SCN10A: variants seen among roughly 807,000 people sequenced by gnomAD.
The protein encoded by SCN10A is sodium channel protein type 10 subunit alpha.
In SCN10A, 162 loss-of-function variants were observed where a neutral mutation model predicts 170.7. The ratio of observed to expected loss-of-function variants is 0.95; its 90% CI spans 0.84 to 1.08. The LOEUF (loss-of-function observed/expected upper bound fraction) is 1.08. SCN10A is among the 50% of genes least tolerant of loss of function. The pLI is 0.00. For synonymous variants in SCN10A, 985 were observed against 904.6 expected (o/e 1.09, Z -1.59); for missense variants, 2,527 against 2,436.9 (o/e 1.04, Z -0.78).
intron 5 of SCN10A, among the ~76,000 whole-genome samples, chr3:38,769,446 C>T (rs1016217318): frequency 2.0e-5 from 3 of 151,942 alleles, no homozygotes; most frequent in Non-Finnish European, 2.9e-5. Context: ...TCCATGTTGG[C>T]TTCAGGCTGG....
chr3:38,756,101 G>A, intron 10 of SCN10A, 143 bp from the exon 11 acceptor site: 1 of 837,650 alleles, frequency 1.2e-6, no homozygotes. Flanking sequence ...GTGGGATTAG[G>A]CCATGGCAGG....
intron 6 of SCN10A, among the ~76,000 whole-genome samples, chr3:38,762,081 T>C (rs1218033929): frequency 1.3e-5 from 2 of 152,172 alleles, no homozygotes; most frequent in African/African-American, 4.8e-5. Flanking sequence ...GAGGGATGAT[T>C]TGTTGCTCTG....
At chr3:38,772,740 A>AC (rs1287511436) in intron 4 of SCN10A, among the ~76,000 whole-genome samples, 4 of 144,626 alleles carry the variant, frequency 2.8e-5, no homozygotes, top group South Asian at 2.2e-4. Flanking sequence ...CAAAAACAAA[A>AC]AAAAAAAAAC....
At chr3:38,742,643 G>C in intron 13 of SCN10A, 114 bp from the exon 14 acceptor site, 1 of 784,854 alleles carries the variant, frequency 1.3e-6, no homozygotes, top group African/African-American at 1.7e-5. Context: ...CCAACATTTT[G>C]ACTTCAGCCC....
chr3:38,709,613 G>A lies in SCN10A; in HGVS notation c.4146C>T (p.Val1382=), dbSNP rs1041678086. ...IMYAAVDSRE[V]NMQPKWEDNV... ...TGTCCTCCCACTTGGGTTGCATGTT[G>A]ACCTGTGACCAGACAAGGGAGAGTG... Residue 1382 remains valine, a splice_region_variant and synonymous_variant, in exon 25 of 28, where the codon GTC becomes GTT. Transcript: ENST00000449082. The A allele has an allele frequency of 5.0e-6, 8 of 1,597,020 alleles. No individual in the cohort carries two copies. The highest frequency in any genetic ancestry group is 6.8e-6 in the Non-Finnish European group (8 of 1,172,032).
chr3:38,787,035 T>G (rs2064213456), intron 4 of SCN10A, among the ~76,000 whole-genome samples: 1 of 152,268 alleles, frequency 6.6e-6, no homozygotes, highest in East Asian at 1.9e-4. Flanking sequence ...AGGAAGAAAA[T>G]TTAAAGTTTA....
chr3:38,768,009 TA>T (rs1318993988), intron 5 of SCN10A, among the ~76,000 whole-genome samples: 3 of 152,158 alleles, frequency 2.0e-5, no homozygotes, highest in Admixed American at 6.5e-5. Context: ...TGTCTTTTTT[TA>T]ACTGTTGTTG....
intron 6 of SCN10A, 95 bp from the exon 7 acceptor site, chr3:38,761,478 CAGGAG>C: frequency 2.7e-6 from 3 of 1,117,358 alleles, no homozygotes; most frequent in Non-Finnish European, 3.8e-6. Context: ...TCTCTACATA[CAGGAG>C]TGAAGTATGT....
intron 15 of SCN10A, among the ~76,000 whole-genome samples, chr3:38,734,704 TA>T (rs1011969356): frequency 6.6e-6 from 1 of 152,090 alleles, no homozygotes; most frequent in African/African-American, 2.4e-5. Context: ...TTCTTATCTT[TA>T]AAAAAAGCCT....
At chr3:38,744,093 A>G (rs2063661667) in intron 13 of SCN10A, among the ~76,000 whole-genome samples, 1 of 152,380 alleles carries the variant, frequency 6.6e-6, no homozygotes, top group East Asian at 1.9e-4. Flanking sequence ...AGCATAATAC[A>G]TTGTGAAAAA....
chr3:38,812,279 C>T (rs887562304), intron 1 of SCN10A, among the ~76,000 whole-genome samples: 2 of 152,156 alleles, frequency 1.3e-5, no homozygotes, highest in African/African-American at 2.4e-5. Flanking sequence ...GGAGCATATC[C>T]TATAATTAAC....
Position 38,793,853 on chromosome 3 carries a change from G to A in SCN10A, c.158C>T (p.Pro53Leu), listed in dbSNP as rs752235456. 4 of 1,613,878 alleles carry A rather than the reference G, an allele frequency of 2.5e-6. No homozygotes were observed. Among genetic ancestry groups the A allele is most frequent in the African/African-American group, 1.3e-5 (1 of 74,882 alleles). ...EQKDQEEKPR[P>L]QLDLKACNQL... is the part of the protein sequence containing the mutation. ...GTTGCAGGCTTTCAAGTCCAGCTGG[G>A]GCCGAGGCTTCTCTTCTTGGTCCTT... Residue 53 changes from proline (P) to leucine (L), a missense_variant, in exon 2 of 28, where the codon CCC becomes CTC. Pro to Leu is a moderately conservative substitution (Grantham distance 98, BLOSUM62 -3). Coordinates refer to ENST00000449082, the MANE Select transcript of SCN10A (RefSeq NM_006514.4).
chr3:38,794,748 A>G lies in SCN10A; in HGVS notation c.-32-706T>C, dbSNP rs372674279. Among the ~76,000 whole-genome samples the G allele has an allele frequency of 1.4e-4, 22 of 152,334 alleles. No homozygotes were observed. The South Asian group carries it at 4.6e-3, about 32-fold the overall frequency. On this transcript the variant is annotated intron_variant, in intron 1 of 27. Transcript: ENST00000449082. ...TGGGGAACCTCAGTATTGCCTGGGA[A>G]TCATATGGTATCCCTAGTCAGCAGT...
intron 21 of SCN10A, among the ~76,000 whole-genome samples, chr3:38,714,457 C>T (rs937742530): frequency 6.6e-6 from 1 of 152,134 alleles, no homozygotes; most frequent in Admixed American, 6.5e-5. Context: ...GATGTTCCCT[C>T]CTAGGGGCTA....
chr3:38,813,640 G>GTA (rs901172463), intron 1 of SCN10A, among the ~76,000 whole-genome samples: 1 of 152,132 alleles, frequency 6.6e-6, no homozygotes, highest in Non-Finnish European at 1.5e-5. Context: ...TGGCCACTCT[G>GTA]ACTCCTTCCT....
chr3:38,698,596 T>A (rs1260293811), intron 27 of SCN10A, 34 bp from the exon 28 acceptor site: 1 of 1,583,574 alleles, frequency 6.3e-7, no homozygotes, highest in Non-Finnish European at 8.7e-7. Context: ...CTAATTAGTA[T>A]CTCCAGCCAT....
In SCN10A at chr3:38,796,918, C is replaced by A. The variant is rs1367035528; in HGVS notation, c.-32-2876G>T. On this transcript the variant is annotated intron_variant, in intron 1 of 27. Coordinates refer to ENST00000449082, the MANE Select transcript of SCN10A (RefSeq NM_006514.4). ...TTGTTCAGCATTGATTTTCCAGAAC[C>A]TAGTACAGTGCCTGGAACTAACTAG... Among the ~76,000 whole-genome samples the A allele has an allele frequency of 1.3e-5, 2 of 152,004 alleles. 1 individual carries two copies. The highest frequency in any genetic ancestry group is 4.1e-4 in the South Asian group (2 of 4,826).
intron 7 of SCN10A, 123 bp downstream of exon 7, chr3:38,761,069 T>G: frequency 3.9e-6 from 3 of 774,114 alleles, no homozygotes; most frequent in Non-Finnish European, 6.3e-6. Flanking sequence ...AGAACCATTT[T>G]GGCAGGAAAG....
intron 20 of SCN10A, among the ~76,000 whole-genome samples, chr3:38,721,926 G>A (rs1056418693): frequency 6.6e-6 from 1 of 152,206 alleles, no homozygotes; most frequent in Non-Finnish European, 1.5e-5. Context: ...GGCAAAGCTG[G>A]GTTTTGCTAC....
Sources: gnomAD v4.1 joint callset for allele counts (sites outside exome capture counted in the v4.1 genomes callset) on GRCh38, gnomAD v4.1.1 for gene constraint, MANE v1.5 for transcripts, NCBI Gene and HGNC (gene_info 2026-07-23, HGNC 2026-07-21) for gene names.